The following TMEM268 variants were observed in gnomAD, a reference collection of about 807,000 sequenced individuals.
TMEM268 encodes transmembrane protein 268.
TMEM268 carries 24 observed loss-of-function variants against 39.1 expected under a neutral mutation model. The ratio of observed to expected loss-of-function variants is 0.61; its 90% CI spans 0.44 to 0.86. TMEM268 has a LOEUF of 0.86. TMEM268 is among the 40% of genes least tolerant of loss of function. TMEM268 has a pLI of 0.00. For missense variants in TMEM268, 409 were observed against 428.6 expected (o/e 0.95, Z 0.40); for synonymous variants, 176 against 173.5 (o/e 1.01, Z -0.12).
At chr9:114,613,149 CT>C (rs1332400358) in intron 1 of TMEM268, among the ~76,000 whole-genome samples, 1 of 152,194 alleles carries the variant, frequency 6.6e-6, no homozygotes, top group African/African-American at 2.4e-5. Flanking sequence ...GGGCCGGTTA[CT>C]TTTAGCTATT....
chr9:114,627,977 G>A, intron 4 of TMEM268, 124 bp from the exon 5 acceptor site: 1 of 991,230 alleles, frequency 1.0e-6, no homozygotes, highest in Non-Finnish European at 1.5e-6. Flanking sequence ...ATCTCTTACT[G>A]GTGCTGTGAG....
At chr9:114,630,658 T>A (rs1564294488) in intron 5 of TMEM268, among the ~76,000 whole-genome samples, 1 of 152,218 alleles carries the variant, frequency 6.6e-6, no homozygotes, top group Non-Finnish European at 1.5e-5. Context: ...ATAGGGTTAT[T>A]GTGAGAATTA....
Position 114,643,468 on chromosome 9 carries a change from C to T in TMEM268, c.*155C>T, listed in dbSNP as rs1827445134. 2 of 638,582 alleles carry T rather than the reference C, an allele frequency of 3.1e-6. No individual in the cohort carries two copies. Among genetic ancestry groups the T allele is most frequent in the South Asian group, 2.0e-5 (1 of 50,706 alleles). The allele number at this position is 638,582 out of a possible 1,614,324, so 39.6% of individuals were successfully genotyped here. A position where few individuals can be genotyped will look rare whatever the true frequency, so the allele number is the denominator to read the frequency against. On this transcript the variant is annotated 3_prime_UTR_variant, in exon 9 of 9. Transcript: ENST00000288502. Reference sequence around the variant, plus strand: ...ATGTCAGCCACTGGGGTGTTGTGCTCACTTCAGGGCCCAGCACAAAAATCC... The same window carrying T: ...ATGTCAGCCACTGGGGTGTTGTGCTTACTTCAGGGCCCAGCACAAAAATCC...
the TMEM268 span, among the ~76,000 whole-genome samples, chr9:114,604,991 C>T: frequency 1.3e-5 from 2 of 152,164 alleles, no homozygotes; most frequent in Non-Finnish European, 2.9e-5. Flanking sequence ...GGCTTTTCTC[C>T]CAGGACATTA....
Position 114,628,263 on chromosome 9 carries a change from G to C in TMEM268, c.474+13G>C. ...ACACCAGAAGAAGGTGAGATGTCTG[G>C]AGATCCCTGCCACACTCTCTCCAGA... On this transcript the variant is annotated intron_variant, in intron 5 of 8. Transcript: ENST00000288502. The C allele has an allele frequency of 5.6e-6, 9 of 1,611,638 alleles. No individual in the cohort carries two copies. The highest frequency in any genetic ancestry group is 7.6e-6 in the Non-Finnish European group (9 of 1,179,490).
intron 2 of TMEM268, among the ~76,000 whole-genome samples, chr9:114,621,279 G>A (rs555576440): frequency 1.3e-5 from 2 of 151,198 alleles, no homozygotes; most frequent in East Asian, 3.9e-4. Context: ...TTGGGAGGTG[G>A]AGGTTGCAGT....
rs747405443 is a variant in TMEM268, at chr9:114,628,162, A to G, written c.386A>G (p.Asn129Ser). 6.2e-7 allele frequency: 1 copy of G among 1,613,966 alleles called. No homozygotes were observed. The highest frequency in any genetic ancestry group is 1.3e-5 in the African/African-American group (1 of 74,868). The stretch of plus-strand genomic sequence containing the variant: ...ACCAGTCAGATGTTTGCCTTGGGGA[A>G]CCACTGGGCTGGCATGCTGCTCGTG... ...YSTSQMFALG[N>S]HWAGMLLVTL... is the part of the protein sequence containing the mutation. The change falls in exon 5 of 9, where the codon AAC becomes AGC. Residue 129 changes from asparagine (N) to serine (S), a missense_variant. Physicochemically the swap from Asn to Ser is conservative, Grantham distance 46. Coordinates refer to ENST00000288502, the MANE Select transcript of TMEM268 (RefSeq NM_153045.4).
At chr9:114,618,744 T>A (rs1845831991) in intron 2 of TMEM268, among the ~76,000 whole-genome samples, 2 of 150,494 alleles carry the variant, frequency 1.3e-5, no homozygotes, top group African/African-American at 5.0e-5. Flanking sequence ...ATCTTCCTGG[T>A]GGCTCAGCCT....
chr9:114,614,071 C>T (rs1286182108), intron 1 of TMEM268, among the ~76,000 whole-genome samples: 2 of 152,198 alleles, frequency 1.3e-5, no homozygotes, highest in Non-Finnish European at 2.9e-5. Flanking sequence ...AGGAGGTAGA[C>T]CTCTCTATCC....
chr9:114,632,395 A>G (rs1000559189), intron 5 of TMEM268, among the ~76,000 whole-genome samples: 1 of 152,174 alleles, frequency 6.6e-6, no homozygotes, highest in African/African-American at 2.4e-5. Context: ...TCTCCCTTAC[A>G]GGGTGCTGCC....
chr9:114,611,933 T>G (rs1351495054), intron 1 of TMEM268, among the ~76,000 whole-genome samples: 1 of 152,206 alleles, frequency 6.6e-6, no homozygotes, highest in African/African-American at 2.4e-5. Flanking sequence ...GCGAGACAGC[T>G]CCAGCTGGCG....
intron 2 of TMEM268, among the ~76,000 whole-genome samples, chr9:114,620,529 G>T (rs961000426): frequency 1.3e-5 from 2 of 152,084 alleles, no homozygotes; most frequent in Non-Finnish European, 2.9e-5. Context: ...GACTGCAGGC[G>T]TGAGCCACCA....
intron 2 of TMEM268, among the ~76,000 whole-genome samples, chr9:114,618,989 T>C (rs890014370): frequency 1.2e-4 from 19 of 152,172 alleles, no homozygotes; most frequent in African/African-American, 4.6e-4. Context: ...TAGCTGGATA[T>C]GGGCAAGGGG....
intron 3 of TMEM268, among the ~76,000 whole-genome samples, chr9:114,624,801 G>A (rs922937609): frequency 1.3e-5 from 2 of 152,208 alleles, no homozygotes; most frequent in Non-Finnish European, 2.9e-5. Flanking sequence ...CCACAGAAGA[G>A]GAATGCACAG....
At chr9:114,630,279 T>TCCATCCATCCATCCATCCATCCATCC (rs1554758354) in intron 5 of TMEM268, among the ~76,000 whole-genome samples, 43 of 148,226 alleles carry the variant, frequency 2.9e-4, no homozygotes, top group African/African-American at 9.5e-4. Context: ...AATATATATC[T>TCCATCCATCCATCCATCCATCCATCC]ATCCATCCAT....
intron 2 of TMEM268, among the ~76,000 whole-genome samples, chr9:114,623,959 A>G (rs1238006691): frequency 6.6e-6 from 1 of 152,216 alleles, no homozygotes; most frequent in Non-Finnish European, 1.5e-5. Flanking sequence ...ATTCTTTGCA[A>G]TGCTTAAATA....
At chr9:114,643,043 A>G (rs1037071186) in intron 8 of TMEM268, 91 bp from the exon 9 acceptor site, 2 of 1,359,962 alleles carry the variant, frequency 1.5e-6, no homozygotes, top group African/African-American at 1.4e-5. Flanking sequence ...TCCAGGGGCA[A>G]GAAAGCAGCA....
chr9:114,643,216 G>A lies in TMEM268; in HGVS notation c.932G>A (p.Gly311Glu). 1 of 1,614,148 alleles carries A rather than the reference G, an allele frequency of 6.2e-7. No homozygotes were observed. Among genetic ancestry groups the A allele is most frequent in the Non-Finnish European group, 8.5e-7 (1 of 1,180,006 alleles). ...LVTSQLPQAM[G>E]TRHTNSPRIP... ...ACCTCCCAGCTCCCTCAGGCAATGG[G>A]GACACGACACACGAACTCTCCGAGA... Residue 311 changes from glycine (G) to glutamate (E), a missense_variant, in exon 9 of 9, where the codon GGG becomes GAG. By Grantham distance (98) the Gly-to-Glu change is moderately conservative. Transcript: ENST00000288502.
At chr9:114,634,699 A>C (rs1198200942) in intron 6 of TMEM268, among the ~76,000 whole-genome samples, 1 of 152,186 alleles carries the variant, frequency 6.6e-6, no homozygotes, top group East Asian at 1.9e-4. Flanking sequence ...ACCTGGGAAG[A>C]GGCTCCTCAT....
Sources: gnomAD v4.1 joint callset for allele counts (sites outside exome capture counted in the v4.1 genomes callset) on GRCh38, gnomAD v4.1.1 for gene constraint, MANE v1.5 for transcripts, NCBI Gene and HGNC (gene_info 2026-07-23, HGNC 2026-07-21) for gene names.